Variants in RALYL observed in about 807,000 individuals in gnomAD.
The protein encoded by RALYL is RALY RNA binding protein like, also known as RNA-binding Raly-like protein.
A neutral mutation model predicts 35.1 loss-of-function variants in RALYL; 29 were observed. That is an observed-to-expected ratio of 0.83 (90% CI 0.61 to 1.13). The LOEUF (loss-of-function observed/expected upper bound fraction) is 1.13, where lower values mean the gene tolerates loss of function less well. RALYL is among the 50% of genes most tolerant of loss of function. RALYL has a pLI of 0.00. For missense variants in RALYL, 359 were observed against 360.4 expected, an observed-to-expected ratio of 1.00 and a Z score of 0.03; for synonymous variants, 120 against 127.6, an observed-to-expected ratio of 0.94 and a Z score of 0.40.
chr8:84,859,987 G>A (rs1483809198), intron 5 of RALYL, among the ~76,000 whole-genome samples: 1 of 152,178 alleles, frequency 6.6e-6, no homozygotes, highest in Non-Finnish European at 1.5e-5. Flanking sequence ...TTACTAAAAT[G>A]TATGCCCCAT....
intron 4 of RALYL, among the ~76,000 whole-genome samples, chr8:84,833,164 T>C (rs1317823366): frequency 1.3e-5 from 2 of 152,184 alleles, no homozygotes; most frequent in Non-Finnish European, 2.9e-5. Context: ...GGTCATTGTC[T>C]TGAGACTTTT....
chr8:84,308,958 A>G (rs1842289468), intron 1 of RALYL, among the ~76,000 whole-genome samples: 1 of 151,988 alleles, frequency 6.6e-6, no homozygotes, highest in East Asian at 1.9e-4. Context: ...TAATTATATC[A>G]CCATATGTTG....
At chr8:84,261,530 C>A (rs2131817474) in intron 1 of RALYL, among the ~76,000 whole-genome samples, 1 of 152,248 alleles carries the variant, frequency 6.6e-6, no homozygotes, top group Non-Finnish European at 1.5e-5. Context: ...TAAGGCCTCC[C>A]CAGCCCTGCA....
At chr8:84,815,393 GTATTTATATATTTAC>G (rs1345102941) in intron 4 of RALYL, among the ~76,000 whole-genome samples, 1 of 145,888 alleles carries the variant, frequency 6.9e-6, no homozygotes, top group Non-Finnish European at 1.5e-5. Context: ...ACTATTATAA[GTATTTATATATTTAC>G]TATTTATATA....
chr8:84,362,765 G>A (rs1312247162), intron 1 of RALYL, among the ~76,000 whole-genome samples: 3 of 152,044 alleles, frequency 2.0e-5, no homozygotes, highest in Non-Finnish European at 4.4e-5. Flanking sequence ...TGCTCTGGAG[G>A]GATTTCTTTA....
At chr8:84,226,620 A>G (rs76435287) in intron 1 of RALYL, among the ~76,000 whole-genome samples, 3 of 151,898 alleles carry the variant, frequency 2.0e-5, no homozygotes, top group Non-Finnish European at 4.4e-5. Context: ...ATGACTTAAA[A>G]GGAGATAATT....
intron 8 of RALYL, among the ~76,000 whole-genome samples, chr8:84,908,334 G>A (rs997409641): frequency 1.3e-5 from 2 of 152,060 alleles, no homozygotes; most frequent in African/African-American, 4.8e-5. Context: ...CTGAAATCTT[G>A]TACTCTTTGA....
intron 1 of RALYL, among the ~76,000 whole-genome samples, chr8:84,258,441 G>A (rs554519909): frequency 6.6e-6 from 1 of 151,972 alleles, no homozygotes; most frequent in African/African-American, 2.4e-5. Flanking sequence ...ACTTTAAAGT[G>A]CTTAGTTGAA....
chr8:84,915,527 T>C (rs1006039819), intron 8 of RALYL, among the ~76,000 whole-genome samples: 3 of 152,104 alleles, frequency 2.0e-5, no homozygotes, highest in African/African-American at 7.2e-5. Flanking sequence ...TAACAAATTC[T>C]TTTCTAACCA....
At chr8:84,880,871 G>T (rs1178120827) in intron 7 of RALYL, among the ~76,000 whole-genome samples, 1 of 151,822 alleles carries the variant, frequency 6.6e-6, no homozygotes, top group Non-Finnish European at 1.5e-5. Context: ...TAAGGTCCCA[G>T]ACAGGAATAA....
chr8:84,708,733 A>G (rs975485613), intron 2 of RALYL, among the ~76,000 whole-genome samples: 2 of 152,206 alleles, frequency 1.3e-5, no homozygotes, highest in Admixed American at 1.3e-4. Flanking sequence ...TCTGTATACA[A>G]CAAGGAAAAC....
intron 4 of RALYL, among the ~76,000 whole-genome samples, chr8:84,848,303 A>G (rs921250897): frequency 2.0e-5 from 3 of 152,104 alleles, no homozygotes; most frequent in African/African-American, 4.8e-5. Context: ...GTCAGTATAC[A>G]TATATATCTA....
intron 1 of RALYL, among the ~76,000 whole-genome samples, chr8:84,275,285 A>T (rs1477646214): frequency 6.6e-6 from 1 of 152,086 alleles, no homozygotes; most frequent in African/African-American, 2.4e-5. Context: ...ATTAAATGTA[A>T]TCTAACTTGT....
chr8:84,522,918 A>T (rs2058574717), intron 1 of RALYL, among the ~76,000 whole-genome samples: 1 of 152,126 alleles, frequency 6.6e-6, no homozygotes, highest in Admixed American at 6.5e-5. Flanking sequence ...GTTAATTTAT[A>T]AAAGAAAGAA....
At chr8:84,694,574 T>C (rs1257491121) in intron 2 of RALYL, among the ~76,000 whole-genome samples, 3 of 151,822 alleles carry the variant, frequency 2.0e-5, no homozygotes, top group Admixed American at 6.6e-5. Context: ...ATAATTCCAA[T>C]GACATTCTCC....
chr8:84,838,773 C>CTT lies in RALYL; in HGVS notation c.366-11204_366-11203dup, dbSNP rs777189529. On this transcript the variant is annotated intron_variant, in intron 4 of 8. Coordinates refer to ENST00000521268, the MANE Select transcript of RALYL (RefSeq NM_173848.7). Reference sequence around the variant, plus strand: ...AAAATGAATTTTCTTTTCCTGTGTACTTTTAAATTCCCAGAAGGCTTTTAA... The same window carrying CTT: ...AAAATGAATTTTCTTTTCCTGTGTACTTTTTTAAATTCCCAGAAGGCTTTTAA... 2.0e-5 allele frequency among the ~76,000 whole-genome samples: 3 copies of CTT among 152,264 alleles called. No homozygotes were observed. In the East Asian group the frequency reaches 5.8e-4, roughly 29 times the overall value.
chr8:84,471,944 G>T (rs1043223548), intron 1 of RALYL, among the ~76,000 whole-genome samples: 1 of 152,046 alleles, frequency 6.6e-6, no homozygotes, highest in Non-Finnish European at 1.5e-5. Context: ...CAATACTTTG[G>T]ACAATACTTA....
chr8:84,567,338 G>A (rs1189252549), intron 2 of RALYL, among the ~76,000 whole-genome samples: 2 of 151,680 alleles, frequency 1.3e-5, no homozygotes, highest in Non-Finnish European at 1.5e-5. Context: ...GTACCCAGTA[G>A]GTAATTTTTC....
intron 1 of RALYL, among the ~76,000 whole-genome samples, chr8:84,380,132 G>T (rs1857684626): frequency 6.6e-6 from 1 of 151,408 alleles, no homozygotes; most frequent in Non-Finnish European, 1.5e-5. Context: ...TTTGGTTTCA[G>T]ACCTGTGTTG....
Sources: allele counts gnomAD v4.1 joint callset (sites outside exome capture counted in the v4.1 genomes callset), GRCh38; gene constraint gnomAD v4.1.1; transcripts MANE v1.5; gene names NCBI Gene and HGNC (gene_info 2026-07-23, HGNC 2026-07-21).